The following LIMS1 variants were observed in gnomAD, a reference collection of about 807,000 sequenced individuals.
LIMS1 encodes LIM zinc finger domain containing 1.
In LIMS1, 18 loss-of-function variants were observed where a neutral mutation model predicts 44.1. The observed-to-expected ratio is 0.41, with a 90% CI of 0.28 to 0.61. The LOEUF is 0.61. LIMS1 is among the 20% of genes least tolerant of loss of function. The pLI is 0.32. For synonymous variants in LIMS1, 93 were observed against 149.1 expected, an observed-to-expected ratio of 0.62 and a Z score of 2.74; for missense variants, 201 against 422.0, an observed-to-expected ratio of 0.48 and a Z score of 4.59.
chr2:108,539,560 A>T (rs961111156), intron 1 of LIMS1, among the ~76,000 whole-genome samples: 2 of 152,214 alleles, frequency 1.3e-5, no homozygotes, highest in African/African-American at 4.8e-5. Flanking sequence ...GGTTGTTGTG[A>T]TAACTAAATA....
chr2:108,662,069 A>G (rs540828195), intron 2 of LIMS1, among the ~76,000 whole-genome samples: 1 of 152,198 alleles, frequency 6.6e-6, no homozygotes, highest in African/African-American at 2.4e-5. Context: ...GCCTTAGGAG[A>G]GCTCGGTCCA....
chr2:108,652,365 CAA>C (rs1690558489), intron 1 of LIMS1, among the ~76,000 whole-genome samples: 1 of 152,200 alleles, frequency 6.6e-6, no homozygotes, highest in South Asian at 2.1e-4. Context: ...TGGCAGTAAA[CAA>C]GAGCAAACTG....
chr2:108,600,648 C>T lies in LIMS1; in HGVS notation c.33-58957C>T, dbSNP rs1686958185. ...GACTGTCTTTTCCTCAGTGTACGTT[C>T]TTGGCACCTTTATGGAAAATGACTT... On this transcript the variant is annotated intron_variant, in intron 1 of 9. Transcript: ENST00000544547. 1.3e-5 allele frequency among the ~76,000 whole-genome samples: 2 copies of T among 152,196 alleles called. 1 individual carries two copies. The highest frequency in any genetic ancestry group is 4.8e-5 in the African/African-American group (2 of 41,442).
At chr2:108,647,881 GC>G (rs1690183141) in intron 1 of LIMS1, among the ~76,000 whole-genome samples, 1 of 152,130 alleles carries the variant, frequency 6.6e-6, no homozygotes, top group Non-Finnish European at 1.5e-5. Flanking sequence ...AAAACTGGAA[GC>G]AATCCCTTTA....
chr2:108,653,028 G>A (rs1183939652), intron 1 of LIMS1, among the ~76,000 whole-genome samples: 1 of 152,208 alleles, frequency 6.6e-6, no homozygotes, highest in African/African-American at 2.4e-5. Context: ...TGTTTCATGA[G>A]CCATAGGCTT....
At chr2:108,681,412 A>G (rs1254517708) in intron 9 of LIMS1, 3 of 972,088 alleles carry the variant, frequency 3.1e-6, no homozygotes, top group East Asian at 2.3e-4. Flanking sequence ...AACACCATAT[A>G]GTATACATTT....
intron 1 of LIMS1, among the ~76,000 whole-genome samples, chr2:108,583,622 A>T (rs143537739): frequency 2.0e-5 from 3 of 152,084 alleles, no homozygotes; most frequent in African/African-American, 7.2e-5. Context: ...CATTGAACAA[A>T]TTTTTTAAAT....
rs182558249 is a variant in LIMS1, at chr2:108,643,630, C to T, written c.33-15975C>T. Among the ~76,000 whole-genome samples, 275 of 151,632 alleles carry T rather than the reference C, an allele frequency of 1.8e-3. 1 individual carries two copies. Among genetic ancestry groups the T allele is most frequent in the East Asian group, 7.8e-4 (4 of 5,152 alleles). The stretch of plus-strand genomic sequence containing the variant: ...CCAGTGGTAGCGTTTGAGTTTTTTT[C>T]GTGCCCCAGTGGCGCCAGGAATGCC... On this transcript the variant is annotated intron_variant, in intron 1 of 9. Transcript: ENST00000544547.
chr2:108,677,861 T>C, intron 7 of LIMS1, 118 bp from the exon 8 acceptor site: 4 of 1,491,402 alleles, frequency 2.7e-6, no homozygotes, highest in Non-Finnish European at 1.8e-6. Context: ...AAAGAACTTT[T>C]ACTAAATTTC....
chr2:108,534,475 C>A, exon 1 of LIMS1: 1 of 1,064,946 alleles, frequency 9.4e-7, no homozygotes, highest in Non-Finnish European at 1.2e-6. Flanking sequence ...CCGCCAGTAG[C>A]CGGCCGCGGC....
chr2:108,635,476 G>C (rs1689181901), intron 1 of LIMS1, among the ~76,000 whole-genome samples: 1 of 148,176 alleles, frequency 6.7e-6, no homozygotes, highest in Admixed American at 6.8e-5. Flanking sequence ...CAGCACTTCA[G>C]GAGGCCAAGG....
intron 1 of LIMS1, among the ~76,000 whole-genome samples, chr2:108,567,979 T>C (rs1685352259): frequency 6.6e-6 from 1 of 152,240 alleles, no homozygotes. Flanking sequence ...TTTTGACCTC[T>C]GTCACTCACT....
At chr2:108,610,016 G>A (rs924662308) in intron 1 of LIMS1, among the ~76,000 whole-genome samples, 5 of 151,966 alleles carry the variant, frequency 3.3e-5, no homozygotes, top group African/African-American at 9.7e-5. Flanking sequence ...GGTGGCAGGC[G>A]CCTGTAGTCC....
At chr2:108,561,805 G>A (rs1350213288) in intron 1 of LIMS1, among the ~76,000 whole-genome samples, 3 of 148,132 alleles carry the variant, frequency 2.0e-5, no homozygotes, top group African/African-American at 5.0e-5. Context: ...GCAGTGGCGT[G>A]ATCTTGGCTC....
intron 1 of LIMS1, among the ~76,000 whole-genome samples, chr2:108,544,822 A>C (rs544458615): frequency 1.3e-5 from 2 of 152,268 alleles, no homozygotes; most frequent in Non-Finnish European, 2.9e-5. Flanking sequence ...ACTGATGGCA[A>C]ATCTTTGACT....
At chr2:108,597,359 A>C (rs187137917) in intron 1 of LIMS1, among the ~76,000 whole-genome samples, 89 of 152,376 alleles carry the variant, frequency 5.8e-4, no homozygotes, top group African/African-American at 1.9e-3. Context: ...CAGCCACAGC[A>C]ACACGTGATT....
At chr2:108,568,881 G>A (rs1217979239) in intron 1 of LIMS1, among the ~76,000 whole-genome samples, 2 of 151,890 alleles carry the variant, frequency 1.3e-5, no homozygotes, top group Non-Finnish European at 2.9e-5. Context: ...CAGGCTATTT[G>A]ATTTTTTTTG....
intron 1 of LIMS1, chr2:108,657,881 T>C (rs1176907490): frequency 2.0e-5 from 3 of 152,168 alleles, no homozygotes; most frequent in Admixed American, 6.5e-5. Context: ...TTGTGAAACA[T>C]TTTGGGGAGA....
intron 1 of LIMS1, among the ~76,000 whole-genome samples, chr2:108,622,671 A>G (rs1399770045): frequency 6.6e-6 from 1 of 152,150 alleles, no homozygotes; most frequent in Non-Finnish European, 1.5e-5. Flanking sequence ...GAGGTTAGTG[A>G]AAATATTGAG....
Sources: allele counts gnomAD v4.1 joint callset (sites outside exome capture counted in the v4.1 genomes callset), GRCh38; gene constraint gnomAD v4.1.1; transcripts MANE v1.5; gene names NCBI Gene and HGNC (gene_info 2026-07-23, HGNC 2026-07-21).